Variants in RFC3 observed in about 807,000 individuals in gnomAD.
RFC3 encodes A1 38 kDa subunit.
A neutral mutation model predicts 45.1 loss-of-function variants in RFC3; 41 were observed. The ratio of observed to expected loss-of-function variants is 0.91; its 90% CI spans 0.71 to 1.18. RFC3 has a LOEUF of 1.18. Ranked by LOEUF, RFC3 falls within the 50% of genes most tolerant of loss-of-function variation. The pLI is 0.00. For missense variants in RFC3, 423 were observed against 428.1 expected (o/e 0.99, Z 0.10); for synonymous variants, 149 against 144.0 (o/e 1.03, Z -0.25).
chr13:33,971,934 C>T, the RFC3 span, among the ~76,000 whole-genome samples: 2 of 137,120 alleles, frequency 1.5e-5, no homozygotes, highest in Non-Finnish European at 3.1e-5. Context: ...CAACGTGGCA[C>T]AACCCCATCT....
intron 8 of RFC3, among the ~76,000 whole-genome samples, chr13:33,835,784 A>G (rs2082148080): frequency 6.6e-6 from 1 of 152,114 alleles, no homozygotes; most frequent in Non-Finnish European, 1.5e-5. Context: ...CCATTGGTGG[A>G]ACTTTAGGTT....
At chr13:33,845,398 C>T (rs555648572) in intron 8 of RFC3, among the ~76,000 whole-genome samples, 1 of 152,252 alleles carries the variant, frequency 6.6e-6, no homozygotes, top group South Asian at 2.1e-4. Flanking sequence ...TCTTTAAGGC[C>T]AGTAACTCTT....
chr13:33,953,857 C>A (rs1382832897), intron 8 of RFC3, among the ~76,000 whole-genome samples: 7 of 152,092 alleles, frequency 4.6e-5, no homozygotes, highest in Admixed American at 2.6e-4. Flanking sequence ...AAACTAAAAA[C>A]CTACTTGGAG....
intron 8 of RFC3, among the ~76,000 whole-genome samples, chr13:33,872,525 G>A (rs2082417121): frequency 6.6e-6 from 1 of 152,142 alleles, no homozygotes; most frequent in Admixed American, 6.5e-5. Context: ...CCTGAGGTCG[G>A]GAGTTCGAGA....
At chr13:33,946,887 A>G (rs1593711534) in intron 8 of RFC3, among the ~76,000 whole-genome samples, 1 of 152,248 alleles carries the variant, frequency 6.6e-6, no homozygotes, top group Admixed American at 6.5e-5. Flanking sequence ...GTACGCAGCT[A>G]TAATAAAATC....
intron 8 of RFC3, among the ~76,000 whole-genome samples, chr13:33,939,641 C>G (rs1162865043): frequency 6.6e-6 from 1 of 152,190 alleles, no homozygotes; most frequent in Non-Finnish European, 1.5e-5. Flanking sequence ...GGTGGAAACA[C>G]TTGCTTTACA....
At chr13:33,937,922 A>G (rs1428657376) in intron 8 of RFC3, among the ~76,000 whole-genome samples, 1 of 152,094 alleles carries the variant, frequency 6.6e-6, no homozygotes, top group African/African-American at 2.4e-5. Context: ...AGCTCTCTGT[A>G]CAGTCAGAGG....
In RFC3 at chr13:33,837,198, G is replaced by A. The variant is rs572363692; in HGVS notation, c.*903G>A. ...GGTATAGATGCCGTCACCCCAAAAA[G>A]TTCCCTCCATATCCCTTTGCAGTCA... On this transcript the variant is annotated 3_prime_UTR_variant, in exon 9 of 9. Transcript: ENST00000380071. The A allele has an allele frequency of 1.4e-5, 4 of 278,446 alleles. No individual in the cohort carries two copies. The highest frequency in any genetic ancestry group is 2.2e-5 in the Non-Finnish European group (4 of 183,892). The allele number at this position is 278,446 out of a possible 1,614,324, so 17.2% of individuals were successfully genotyped here.
chr13:33,874,850 T>A (rs545154581), intron 8 of RFC3, among the ~76,000 whole-genome samples: 1 of 152,352 alleles, frequency 6.6e-6, no homozygotes, highest in East Asian at 1.9e-4. Context: ...TAGAGCCATA[T>A]ATTCAGGTTG....
At chr13:33,897,071 C>A (rs1252951765) in intron 8 of RFC3, among the ~76,000 whole-genome samples, 2 of 151,790 alleles carry the variant, frequency 1.3e-5, no homozygotes, top group African/African-American at 4.8e-5. Flanking sequence ...GATATAAAAC[C>A]CATGGGTAAA....
chr13:33,872,997 C>T (rs1006519642), intron 8 of RFC3, among the ~76,000 whole-genome samples: 5 of 152,078 alleles, frequency 3.3e-5, no homozygotes, highest in Admixed American at 2.0e-4. Context: ...CAACCTAGGC[C>T]TGTGACTAGA....
chr13:33,860,231 C>T (rs934447067), intron 8 of RFC3, among the ~76,000 whole-genome samples: 12 of 57,598 alleles, frequency 2.1e-4, no homozygotes, highest in Middle Eastern at 0.019. Flanking sequence ...AAGTGTGTTG[C>T]ACTTTTTTTT....
intron 8 of RFC3, among the ~76,000 whole-genome samples, chr13:33,913,668 C>T (rs1006086618): frequency 1.9e-4 from 29 of 152,030 alleles, no homozygotes; most frequent in Admixed American, 1.7e-3. Flanking sequence ...TATTGGATTG[C>T]TGAAGGATTA....
chr13:33,903,140 A>G (rs1250577293), intron 8 of RFC3, among the ~76,000 whole-genome samples: 1 of 152,046 alleles, frequency 6.6e-6, no homozygotes, highest in East Asian at 1.9e-4. Context: ...GCTCTTGACC[A>G]AATCCCGGTT....
At chr13:33,931,649 A>G (rs17080230) in intron 8 of RFC3, among the ~76,000 whole-genome samples, 14,252 of 133,502 alleles carry the variant, frequency 0.11, 1,253 homozygotes, top group African/African-American at 0.28. Flanking sequence ...GAAGTTGTGT[A>G]TAAGGTACAT....
At chr13:33,964,905 G>A (rs1045298050) in intron 8 of RFC3, among the ~76,000 whole-genome samples, 1 of 152,210 alleles carries the variant, frequency 6.6e-6, no homozygotes, top group African/African-American at 2.4e-5. Flanking sequence ...GAAACACAAA[G>A]AGGACAGACA....
chr13:33,872,642 A>G (rs1196863753), intron 8 of RFC3, among the ~76,000 whole-genome samples: 3 of 152,168 alleles, frequency 2.0e-5, no homozygotes, highest in Admixed American at 2.0e-4. Flanking sequence ...CTGAGGATGG[A>G]GAATCGCTTG....
At chr13:33,872,479 A>T (rs1329301479) in intron 8 of RFC3, among the ~76,000 whole-genome samples, 1 of 152,234 alleles carries the variant, frequency 6.6e-6, no homozygotes, top group African/African-American at 2.4e-5. Context: ...CACGCCTGTA[A>T]TCCCAGCACT....
the RFC3 span, among the ~76,000 whole-genome samples, chr13:33,975,816 AAATT>A: frequency 6.6e-6 from 1 of 152,188 alleles, no homozygotes; most frequent in African/African-American, 2.4e-5. Flanking sequence ...AACAAAAACT[AAATT>A]AATTTAATGT....
Sources: allele counts gnomAD v4.1 joint callset (sites outside exome capture counted in the v4.1 genomes callset), GRCh38; gene constraint gnomAD v4.1.1; transcripts MANE v1.5; gene names NCBI Gene and HGNC (gene_info 2026-07-23, HGNC 2026-07-21).